Variants in THSD7B observed in about 807,000 individuals in gnomAD.
The protein encoded by THSD7B is thrombospondin type 1 domain containing 7B.
In THSD7B, 138 loss-of-function variants were observed where a neutral mutation model predicts 213.6. The observed-to-expected ratio is 0.65, with a 90% confidence interval of 0.56 to 0.74. THSD7B has a LOEUF of 0.74. Among genes scored for constraint, THSD7B ranks in the 30% least tolerant of loss-of-function variants. The pLI, the probability that THSD7B is intolerant of heterozygous loss-of-function variation, is 0.00. For synonymous variants in THSD7B, 742 were observed against 687.0 expected, an observed-to-expected ratio of 1.08 and a Z score of -1.25; for missense variants, 1,931 against 1,991.5, an observed-to-expected ratio of 0.97 and a Z score of 0.58.
At position 137,201,336 on chromosome 2, in the gene THSD7B, TG is replaced by T. The variant is rs1348386711; in HGVS notation, c.1724-29705del. ...ATCTGTTGCTCCATTGGTGGGCACT[TG>T]GGCTTCTCTCATGTCTTGCTTATTG... On this transcript the variant is annotated intron_variant, in intron 7 of 27. Transcript: ENST00000409968. 3.3e-5 allele frequency among the ~76,000 whole-genome samples: 5 copies of T among 152,182 alleles called. No homozygotes were observed. In the South Asian group the frequency reaches 6.2e-4, roughly 19 times the overall value.
At chr2:137,478,217 C>CA (rs1688231209) in intron 15 of THSD7B, among the ~76,000 whole-genome samples, 2 of 152,018 alleles carry the variant, frequency 1.3e-5, no homozygotes, top group Admixed American at 6.6e-5. Flanking sequence ...GCTAAAACAC[C>CA]AAAAATTCAC....
intron 1 of THSD7B, among the ~76,000 whole-genome samples, chr2:136,788,680 T>C (rs893495505): frequency 2.0e-5 from 3 of 152,190 alleles, no homozygotes; most frequent in Non-Finnish European, 4.4e-5. Flanking sequence ...CCTGCTGAAG[T>C]GTGTGCCTTA....
intron 2 of THSD7B, among the ~76,000 whole-genome samples, chr2:137,020,635 C>T (rs1686425725): frequency 6.6e-6 from 1 of 152,142 alleles, no homozygotes; most frequent in Admixed American, 6.5e-5. Flanking sequence ...CAGAGCTCCA[C>T]TGACAGAAAG....
At chr2:137,491,193 G>A (rs1376348281) in intron 15 of THSD7B, among the ~76,000 whole-genome samples, 1 of 152,172 alleles carries the variant, frequency 6.6e-6, no homozygotes, top group Admixed American at 6.5e-5. Flanking sequence ...ACTCTTGAAG[G>A]AAACACGTCT....
chr2:137,138,720 A>C (rs1346631072), intron 5 of THSD7B, among the ~76,000 whole-genome samples: 1 of 152,202 alleles, frequency 6.6e-6, no homozygotes, highest in African/African-American at 2.4e-5. Context: ...ATTGTCATCC[A>C]AGAAGGTGAG....
intron 10 of THSD7B, among the ~76,000 whole-genome samples, chr2:137,250,861 T>A (rs1682160126): frequency 6.6e-6 from 1 of 152,152 alleles, no homozygotes; most frequent in Non-Finnish European, 1.5e-5. Context: ...CTTGCCCAAA[T>A]CTTACTACAG....
At chr2:137,054,289 C>T (rs770274222) in intron 2 of THSD7B, among the ~76,000 whole-genome samples, 21 of 152,182 alleles carry the variant, frequency 1.4e-4, no homozygotes, top group Admixed American at 8.5e-4. Context: ...CCAGTGAAAC[C>T]TGTTCTGTTT....
rs1295797585 is a variant in THSD7B, at chr2:137,667,954, A to G, written c.4739+93A>G. ...GTATCTCAGGATCATTGCCCATTAT[A>G]ACAGGATTCTTGAGTCCAAAAATTA... On this transcript the variant is annotated intron_variant, in intron 27 of 27. Coordinates refer to ENST00000409968, the MANE Select transcript of THSD7B (RefSeq NM_001316349.2). 8.8e-5 allele frequency: 90 copies of G among 1,026,196 alleles called. No individual in the cohort carries two copies. In the East Asian group the frequency reaches 2.5e-3, roughly 29 times the overall value. 63.6% of individuals were successfully genotyped at this position (1,026,196 alleles called of 1,614,324 possible). A position where few individuals can be genotyped will look rare whatever the true frequency, so the allele number is the denominator to read the frequency against.
intron 3 of THSD7B, among the ~76,000 whole-genome samples, chr2:137,077,177 A>G (rs1263483711): frequency 2.0e-5 from 3 of 152,096 alleles, no homozygotes; most frequent in African/African-American, 7.2e-5. Context: ...ATGGCTGCAT[A>G]GTATTCCATG....
chr2:137,339,248 T>C (rs1668198532), intron 12 of THSD7B, among the ~76,000 whole-genome samples: 1 of 149,150 alleles, frequency 6.7e-6, no homozygotes, highest in African/African-American at 2.5e-5. Context: ...TTCTGTCAGA[T>C]GGCGAGCATC....
intron 15 of THSD7B, among the ~76,000 whole-genome samples, chr2:137,514,799 C>G (rs913561228): frequency 6.6e-6 from 1 of 152,080 alleles, no homozygotes; most frequent in African/African-American, 2.4e-5. Flanking sequence ...CCTGATTCAC[C>G]ACTCGTGAGA....
intron 14 of THSD7B, among the ~76,000 whole-genome samples, chr2:137,424,523 T>C (rs1234557043): frequency 6.6e-6 from 1 of 152,110 alleles, no homozygotes; most frequent in Non-Finnish European, 1.5e-5. Context: ...ATTAAAAGGA[T>C]CATATACAAA....
chr2:137,003,361 G>C (rs1012042164), intron 2 of THSD7B, among the ~76,000 whole-genome samples: 1 of 152,196 alleles, frequency 6.6e-6, no homozygotes, highest in Non-Finnish European at 1.5e-5. Context: ...CAGAGGGAGA[G>C]AGGACACAGG....
intron 4 of THSD7B, among the ~76,000 whole-genome samples, chr2:137,112,866 A>T (rs371223304): frequency 3.9e-5 from 6 of 152,006 alleles, no homozygotes; most frequent in East Asian, 1.9e-4. Context: ...CACTTATTGA[A>T]TATTTATTAT....
At chr2:136,929,340 C>T (rs960201204) in intron 2 of THSD7B, among the ~76,000 whole-genome samples, 1 of 152,158 alleles carries the variant, frequency 6.6e-6, no homozygotes, top group African/African-American at 2.4e-5. Flanking sequence ...TTGTTTCCTT[C>T]CTGTCCCCAC....
intron 5 of THSD7B, among the ~76,000 whole-genome samples, chr2:137,115,756 A>G (rs1012370665): frequency 6.6e-6 from 1 of 152,172 alleles, no homozygotes. Context: ...TCTGAAGAAA[A>G]AGAAGGAAGA....
intron 15 of THSD7B, among the ~76,000 whole-genome samples, chr2:137,454,474 C>G (rs1030077241): frequency 2.1e-5 from 3 of 144,702 alleles, no homozygotes; most frequent in Admixed American, 7.0e-5. Flanking sequence ...ATCTATCTAT[C>G]TATGTGTGTG....
At chr2:137,242,241 T>C (rs949045246) in intron 9 of THSD7B, among the ~76,000 whole-genome samples, 3 of 152,172 alleles carry the variant, frequency 2.0e-5, no homozygotes, top group African/African-American at 7.2e-5. Flanking sequence ...TGAAAAGTTA[T>C]TTTGGTCTTT....
intron 2 of THSD7B, among the ~76,000 whole-genome samples, chr2:136,896,288 C>T (rs1683958455): frequency 6.6e-6 from 1 of 151,998 alleles, no homozygotes; most frequent in Non-Finnish European, 1.5e-5. Context: ...TGAAATAGTT[C>T]CTCATTGTGG....
Sources: allele counts gnomAD v4.1 joint callset (sites outside exome capture counted in the v4.1 genomes callset), GRCh38; gene constraint gnomAD v4.1.1; transcripts MANE v1.5; gene names NCBI Gene and HGNC (gene_info 2026-07-23, HGNC 2026-07-21).